The following LTBP1 variants were observed in gnomAD, a reference collection of about 807,000 sequenced individuals.
The protein encoded by LTBP1 is latent transforming growth factor beta binding protein 1.
A neutral mutation model predicts 207.6 loss-of-function variants in LTBP1; 129 were observed. The ratio of observed to expected loss-of-function variants is 0.62; its 90% CI spans 0.54 to 0.72. LTBP1 has a LOEUF of 0.72. Among genes scored for constraint, LTBP1 ranks in the 30% least tolerant of loss-of-function variants. The probability of loss-of-function intolerance (pLI) is 0.00; values close to 1 mark genes in which losing one functional copy is unlikely to be tolerated. For synonymous variants in LTBP1, 963 were observed against 833.7 expected, an observed-to-expected ratio of 1.16 and a Z score of -2.67; for missense variants, 2,281 against 2,217.2, an observed-to-expected ratio of 1.03 and a Z score of -0.58.
chr2:33,298,053 T>G (rs1430712115), intron 20 of LTBP1, among the ~76,000 whole-genome samples: 1 of 152,236 alleles, frequency 6.6e-6, no homozygotes, highest in Non-Finnish European at 1.5e-5. Flanking sequence ...TAATGTCAGG[T>G]GTACATTCAC....
intron 5 of LTBP1, among the ~76,000 whole-genome samples, chr2:33,141,956 A>G (rs1431383129): frequency 2.6e-5 from 4 of 152,248 alleles, no homozygotes; most frequent in Admixed American, 2.6e-4. Flanking sequence ...AAAAAAGGAT[A>G]CAGTCCTGGA....
chr2:33,160,211 A>G (rs1222628154), intron 5 of LTBP1, among the ~76,000 whole-genome samples: 1 of 152,184 alleles, frequency 6.6e-6, no homozygotes, highest in Non-Finnish European at 1.5e-5. Flanking sequence ...ATCCAGAGAA[A>G]GAATTCAACT....
intron 3 of LTBP1, among the ~76,000 whole-genome samples, chr2:33,035,068 A>G (rs1293424441): frequency 6.6e-6 from 1 of 152,174 alleles, no homozygotes. Flanking sequence ...CTTTCTTTGG[A>G]TGCCGTAGCC....
intron 3 of LTBP1, among the ~76,000 whole-genome samples, chr2:33,071,631 G>T (rs1019928668): frequency 1.9e-4 from 8 of 41,410 alleles, no homozygotes; most frequent in Non-Finnish European, 7.6e-4. Context: ...TATAGGCTAG[G>T]TTATGATGTC....
At chr2:33,110,377 C>T (rs761504682) in intron 3 of LTBP1, among the ~76,000 whole-genome samples, 25 of 152,148 alleles carry the variant, frequency 1.6e-4, no homozygotes, top group Non-Finnish European at 2.1e-4. Context: ...GGATCTTTTT[C>T]GTGAAGGACG....
chr2:33,348,999 G>A (rs747771149), intron 26 of LTBP1, among the ~76,000 whole-genome samples: 16 of 152,072 alleles, frequency 1.1e-4, no homozygotes, highest in Non-Finnish European at 2.2e-4. Flanking sequence ...TTTTCTAGCA[G>A]TATCCTGAGA....
At chr2:33,112,541 G>T (rs1418126670) in intron 4 of LTBP1, among the ~76,000 whole-genome samples, 1 of 152,158 alleles carries the variant, frequency 6.6e-6, no homozygotes, top group Non-Finnish European at 1.5e-5. Flanking sequence ...CTGTTGTTCA[G>T]AAAGAAGCTC....
intron 3 of LTBP1, among the ~76,000 whole-genome samples, chr2:33,090,032 G>A (rs1014161031): frequency 1.3e-5 from 2 of 152,140 alleles, no homozygotes; most frequent in Non-Finnish European, 2.9e-5. Flanking sequence ...TTGATGTTAC[G>A]TGTTTTATAT....
At chr2:33,332,270 T>A (rs1207070654) in intron 24 of LTBP1, among the ~76,000 whole-genome samples, 1 of 149,792 alleles carries the variant, frequency 6.7e-6, no homozygotes, top group African/African-American at 2.5e-5. Flanking sequence ...TGGTGGTGGG[T>A]ACCTGTAGTT....
chr2:33,161,456 A>G (rs1040286682), intron 5 of LTBP1, among the ~76,000 whole-genome samples: 9 of 152,002 alleles, frequency 5.9e-5, no homozygotes, highest in African/African-American at 2.2e-4. Context: ...TTCAGTAGAG[A>G]TGGGGTTTCA....
intron 5 of LTBP1, among the ~76,000 whole-genome samples, chr2:33,151,021 T>G (rs2083480371): frequency 6.6e-6 from 1 of 152,186 alleles, no homozygotes; most frequent in African/African-American, 2.4e-5. Flanking sequence ...ATTACAGGCG[T>G]GAACCACCAC....
chr2:33,280,053 T>A lies in LTBP1; in HGVS notation c.3007T>A (p.Leu1003Met). The change falls in exon 19 of 34, where the codon TTG becomes ATG. Residue 1003 changes from leucine to methionine, a missense_variant. By Grantham distance (15) the Leu-to-Met change is conservative (BLOSUM62 2). Coordinates refer to ENST00000404816, the MANE Select transcript of LTBP1 (RefSeq NM_206943.4). ...RGRCEDIDEC[L>M]NPSTCPDEQC... is the part of the protein sequence containing the mutation. ...TGATTTTTCAGATATTGATGAATGT[T>A]TGAATCCAAGCACTTGTCCAGATGA... The A allele has an allele frequency of 6.2e-7, 1 of 1,614,086 alleles. No homozygotes were observed. The highest frequency in any genetic ancestry group is 8.5e-7 in the Non-Finnish European group (1 of 1,179,982).
chr2:33,004,786 A>ATATATATATAT (rs1239899581), intron 2 of LTBP1, among the ~76,000 whole-genome samples: 4 of 101,106 alleles, frequency 4.0e-5, no homozygotes, highest in African/African-American at 7.0e-5. Context: ...AAAAAAAAGG[A>ATATATATATAT]ATATATATAT....
intron 24 of LTBP1, among the ~76,000 whole-genome samples, chr2:33,324,402 G>GTATA (rs1553501991): frequency 2.6e-5 from 4 of 151,466 alleles, no homozygotes; most frequent in African/African-American, 7.3e-5. Context: ...ATGTATGTAT[G>GTATA]TATATATATG....
chr2:33,277,241 C>A (rs529936942), intron 18 of LTBP1, among the ~76,000 whole-genome samples: 19 of 152,302 alleles, frequency 1.2e-4, no homozygotes, highest in Middle Eastern at 6.8e-3. Context: ...GGGTTCTAAT[C>A]TAGAGAGAAG....
At chr2:33,135,266 G>A (rs1403479372) in intron 5 of LTBP1, among the ~76,000 whole-genome samples, 1 of 152,192 alleles carries the variant, frequency 6.6e-6, no homozygotes. Flanking sequence ...AGACCCTAAG[G>A]CATGACTTGT....
At chr2:33,161,022 G>C (rs957233241) in intron 5 of LTBP1, among the ~76,000 whole-genome samples, 5 of 152,146 alleles carry the variant, frequency 3.3e-5, no homozygotes, top group African/African-American at 1.2e-4. Context: ...ACACTTTGGA[G>C]ATAGCATGGT....
intron 5 of LTBP1, among the ~76,000 whole-genome samples, chr2:33,142,449 G>T (rs920384581): frequency 6.6e-6 from 1 of 152,118 alleles, no homozygotes; most frequent in Non-Finnish European, 1.5e-5. Flanking sequence ...GTTCTTGCTT[G>T]TGAGTGGTGT....
In LTBP1 at chr2:33,347,313, A is replaced by G; in HGVS notation, c.3857-54A>G. On this transcript the variant is annotated intron_variant, in intron 25 of 33. Transcript: ENST00000404816. ...AGCCCTGGCACAGCTGGTAAAATAGAGAGCTGTCGTGAATGAGGCACACAT... is the reference window on the plus strand; with the variant it reads ...AGCCCTGGCACAGCTGGTAAAATAGGGAGCTGTCGTGAATGAGGCACACAT... The G allele has an allele frequency of 1.7e-5, 27 of 1,604,422 alleles. 1 individual carries two copies. The South Asian group carries it at 2.9e-4, about 17-fold the overall frequency.
Sources: gnomAD v4.1 joint callset for allele counts (sites outside exome capture counted in the v4.1 genomes callset) on GRCh38, gnomAD v4.1.1 for gene constraint, MANE v1.5 for transcripts, NCBI Gene and HGNC (gene_info 2026-07-23, HGNC 2026-07-21) for gene names.